Variants in VWC2 observed in about 807,000 individuals in gnomAD.
The protein encoded by VWC2 is brorin.
VWC2 carries 14 observed loss-of-function variants against 29.8 expected under a neutral mutation model. That is an observed-to-expected ratio of 0.47 (90% CI 0.31 to 0.74). VWC2 has a LOEUF of 0.74. Ranked by LOEUF, VWC2 falls within the 30% of genes least tolerant of loss-of-function variation. The pLI, the probability that VWC2 is intolerant of heterozygous loss-of-function variation, is 0.05. For missense variants in VWC2, 457 were observed against 459.8 expected, an observed-to-expected ratio of 0.99 and a Z score of 0.05; for synonymous variants, 213 against 199.0, an observed-to-expected ratio of 1.07 and a Z score of -0.59.
rs572871120 is a variant in VWC2 at position 49,851,833 on chromosome 7, G to A, written c.826+48993G>A. On this transcript the variant is annotated intron_variant, in intron 3 of 3. Transcript: ENST00000340652. ...CTTGCGCCATTGCACTCCAGCCTGG[G>A]AGACAGAGCAAGACTCTGTCTAAAA... Among the ~76,000 whole-genome samples, 5 of 151,954 alleles carry A rather than the reference G, an allele frequency of 3.3e-5. No homozygotes were observed. In the South Asian group the frequency reaches 1.0e-3, roughly 32 times the overall value.
chr7:49,910,460 G>T (rs1274893231), intron 3 of VWC2, among the ~76,000 whole-genome samples: 1 of 152,174 alleles, frequency 6.6e-6, no homozygotes. Context: ...TTTGCAAACT[G>T]TTGAAGATAA....
intron 3 of VWC2, among the ~76,000 whole-genome samples, chr7:49,852,397 A>G (rs1014257523): frequency 6.6e-6 from 1 of 152,134 alleles, no homozygotes; most frequent in African/African-American, 2.4e-5. Context: ...CTGTTCACTC[A>G]TCTCCTTAAC....
At position 49,855,763 on chromosome 7, in the gene VWC2, C is replaced by G. The variant is rs10252915; in HGVS notation, c.826+52923C>G. ...CTTGGCCTCCAGGGTCCCTGCCTCC[C>G]CAGAAGCCAGCCCAGCCCTCCCAGC... is the stretch of plus-strand genomic sequence containing the variant. On this transcript the variant is annotated intron_variant, in intron 3 of 3. Coordinates refer to ENST00000340652, the MANE Select transcript of VWC2 (RefSeq NM_198570.5). Among the ~76,000 whole-genome samples, 688 of 152,242 alleles carry G rather than the reference C, an allele frequency of 4.5e-3. 4 individuals are homozygous for G. Among genetic ancestry groups the G allele is most frequent in the African/African-American group, 0.016 (652 of 41,548 alleles).
chr7:49,842,565 A>C (rs1430730652), intron 3 of VWC2, among the ~76,000 whole-genome samples: 2 of 152,224 alleles, frequency 1.3e-5, no homozygotes, highest in African/African-American at 4.8e-5. Flanking sequence ...TACCTGTAGG[A>C]TGCTTCCAGA....
chr7:49,780,533 A>G (rs1330697221), intron 2 of VWC2, among the ~76,000 whole-genome samples: 1 of 152,198 alleles, frequency 6.6e-6, no homozygotes, highest in East Asian at 1.9e-4. Context: ...AGCTTATTTC[A>G]TGTTTTATAA....
chr7:49,808,528 T>C (rs1788927449), intron 3 of VWC2, among the ~76,000 whole-genome samples: 1 of 152,068 alleles, frequency 6.6e-6, no homozygotes, highest in Admixed American at 6.5e-5. Context: ...GTGAACTTGA[T>C]CTGACATATA....
chr7:49,859,515 C>G (rs1790561367), intron 3 of VWC2, among the ~76,000 whole-genome samples: 1 of 152,106 alleles, frequency 6.6e-6, no homozygotes, highest in African/African-American at 2.4e-5. Context: ...ACGTGGATAA[C>G]CACTTGTCTC....
At chr7:49,790,138 T>TC (rs902927320) in intron 2 of VWC2, among the ~76,000 whole-genome samples, 6 of 152,228 alleles carry the variant, frequency 3.9e-5, no homozygotes, top group Admixed American at 2.0e-4. Context: ...CACTAGTTTT[T>TC]CCCCCGCATA....
chr7:49,820,156 TA>T (rs1789233799), intron 3 of VWC2, among the ~76,000 whole-genome samples: 1 of 152,148 alleles, frequency 6.6e-6, no homozygotes, highest in African/African-American at 2.4e-5. Context: ...TTACCTCTTG[TA>T]AACATTAGGT....
intron 3 of VWC2, among the ~76,000 whole-genome samples, chr7:49,877,458 G>C (rs1791460256): frequency 6.1e-5 from 1 of 16,290 alleles, no homozygotes; most frequent in African/African-American, 2.3e-4. Context: ...AAGAAACTCT[G>C]TCTCAAAAAA....
At chr7:49,889,307 A>T (rs1792031184) in intron 3 of VWC2, among the ~76,000 whole-genome samples, 1 of 152,234 alleles carries the variant, frequency 6.6e-6, no homozygotes, top group Admixed American at 6.5e-5. Context: ...TGAAGGTTAA[A>T]CTTGACGGCA....
rs1039118741 is a variant in VWC2 at position 49,918,814 on chromosome 7, A to T, written c.*6629A>T. The T allele has an allele frequency of 2.6e-5, 4 of 152,264 alleles. No homozygotes were observed. The highest frequency in any genetic ancestry group is 9.7e-5 in the African/African-American group (4 of 41,440). 9.4% of individuals were successfully genotyped at this position (152,264 alleles called of 1,614,324 possible). A position where few individuals can be genotyped will look rare whatever the true frequency, so the allele number is the denominator to read the frequency against. ...GCTGGGCGTGGTGGCTCACGCCTAT[A>T]ATCCCAGCACTTTGGGAGGCTGAGG... On this transcript the variant is annotated 3_prime_UTR_variant, in exon 4 of 4. Coordinates refer to ENST00000340652, the MANE Select transcript of VWC2 (RefSeq NM_198570.5).
chr7:49,885,278 TA>T (rs1791848971), intron 3 of VWC2, among the ~76,000 whole-genome samples: 1 of 152,116 alleles, frequency 6.6e-6, no homozygotes, highest in Non-Finnish European at 1.5e-5. Flanking sequence ...AATTGGCACA[TA>T]AAATGAGAGG....
chr7:49,775,657 G>T lies in VWC2; in HGVS notation c.222G>T (p.Arg74=). 1 of 1,527,898 alleles carries T rather than the reference G, an allele frequency of 6.5e-7. No homozygotes were observed. The allele number at this position is 1,527,898 out of a possible 1,614,324, so 94.6% of individuals were successfully genotyped here. A position where few individuals can be genotyped will look rare whatever the true frequency, so the allele number is the denominator to read the frequency against. Residue 74 remains arginine, a synonymous_variant, in exon 2 of 4, where the codon CGG becomes CGT. Transcript: ENST00000340652. ...RPARDEGGSG[R]DWKSKSGRGL... ...CGAGGGACGAGGGCGGCAGCGGCCG[G>T]GACTGGAAGAGCAAGAGCGGCCGTG... is the stretch of plus-strand genomic sequence containing the variant.
At chr7:49,880,313 G>A (rs73111333) in intron 3 of VWC2, among the ~76,000 whole-genome samples, 1,918 of 151,870 alleles carry the variant, frequency 0.013, 20 homozygotes, top group Non-Finnish European at 0.021. Flanking sequence ...TATTTTTAAC[G>A]CATGATGCTG....
At chr7:49,779,282 C>T (rs779130071) in intron 2 of VWC2, among the ~76,000 whole-genome samples, 13 of 152,076 alleles carry the variant, frequency 8.5e-5, no homozygotes, top group Non-Finnish European at 1.9e-4. Context: ...CTTGTTTTTT[C>T]CCTTCTTTCT....
At chr7:49,891,036 A>C (rs1196221776) in intron 3 of VWC2, among the ~76,000 whole-genome samples, 3 of 152,224 alleles carry the variant, frequency 2.0e-5, no homozygotes, top group East Asian at 3.8e-4. Flanking sequence ...ATTCATTACT[A>C]TATTGAATAA....
intron 3 of VWC2, among the ~76,000 whole-genome samples, chr7:49,905,903 C>A (rs199636165): frequency 6.7e-6 from 1 of 149,484 alleles, no homozygotes; most frequent in Non-Finnish European, 1.5e-5. Flanking sequence ...CACTGCTACA[C>A]TCCCACCAGC....
chr7:49,820,709 C>T (rs907953380), intron 3 of VWC2, among the ~76,000 whole-genome samples: 5 of 152,134 alleles, frequency 3.3e-5, no homozygotes, highest in Admixed American at 2.0e-4. Flanking sequence ...GTAAAGTGTA[C>T]CTCACTTACA....
Sources: gnomAD v4.1 joint callset for allele counts (sites outside exome capture counted in the v4.1 genomes callset) on GRCh38, gnomAD v4.1.1 for gene constraint, MANE v1.5 for transcripts, NCBI Gene and HGNC (gene_info 2026-07-23, HGNC 2026-07-21) for gene names.